Variants in PDHX observed in about 807,000 individuals in gnomAD.
PDHX encodes the protein pyruvate dehydrogenase protein X component, mitochondrial.
In PDHX, 33 loss-of-function variants were observed where a neutral mutation model predicts 55.3. The observed-to-expected ratio is 0.60, with a 90% CI of 0.45 to 0.80. The LOEUF (loss-of-function observed/expected upper bound fraction) is 0.80, where lower values mean the gene tolerates loss of function less well. Ranked by LOEUF, PDHX falls within the 30% of genes least tolerant of loss-of-function variation. PDHX has a pLI of 0.00. For synonymous variants in PDHX, 226 were observed against 219.4 expected (o/e 1.03, Z -0.27); for missense variants, 622 against 619.9 (o/e 1.00, Z -0.04).
chr11:34,971,270 C>A (rs1855252577), intron 7 of PDHX, among the ~76,000 whole-genome samples: 1 of 151,874 alleles, frequency 6.6e-6, no homozygotes, highest in Non-Finnish European at 1.5e-5. Context: ...AGTTTTATTT[C>A]TTTATTTTTG....
intron 9 of PDHX, among the ~76,000 whole-genome samples, chr11:34,988,898 ATTAG>A (rs1378615814): frequency 2.0e-5 from 3 of 152,220 alleles, no homozygotes; most frequent in East Asian, 3.8e-4. Flanking sequence ...CTGTTTTATT[ATTAG>A]TTATTGTTAA....
intron 3 of PDHX, among the ~76,000 whole-genome samples, chr11:34,952,176 T>C (rs541689664): frequency 1.3e-5 from 2 of 152,226 alleles, no homozygotes; most frequent in East Asian, 3.9e-4. Context: ...AATAACAGTA[T>C]CTGAAATTGT....
chr11:34,966,007 A>G (rs1446688227), intron 5 of PDHX, among the ~76,000 whole-genome samples: 1 of 152,190 alleles, frequency 6.6e-6, no homozygotes, highest in African/African-American at 2.4e-5. Flanking sequence ...CTTACAAGAC[A>G]AAAATACCTT....
At chr11:34,920,553 GA>G (rs1397168655) in intron 1 of PDHX, among the ~76,000 whole-genome samples, 1 of 152,108 alleles carries the variant, frequency 6.6e-6, no homozygotes, top group Non-Finnish European at 1.5e-5. Flanking sequence ...ACTTTACAGA[GA>G]AATCTAGATT....
chr11:34,917,255 T>C (rs541995798), intron 1 of PDHX, among the ~76,000 whole-genome samples: 62 of 152,244 alleles, frequency 4.1e-4, no homozygotes, highest in African/African-American at 1.4e-3. Flanking sequence ...TGTTAGGAGG[T>C]GTTTTCATTG....
intron 8 of PDHX, among the ~76,000 whole-genome samples, chr11:34,981,778 T>C (rs1485175061): frequency 6.6e-6 from 1 of 152,242 alleles, no homozygotes; most frequent in Non-Finnish European, 1.5e-5. Flanking sequence ...TTCATGTGTC[T>C]TTTGGCTGCA....
intron 5 of PDHX, among the ~76,000 whole-genome samples, chr11:34,964,324 C>T (rs1462020931): frequency 6.6e-6 from 1 of 152,070 alleles, no homozygotes; most frequent in Admixed American, 6.6e-5. Context: ...AATAAAAAGA[C>T]CAGGTGCAGT....
intron 3 of PDHX, among the ~76,000 whole-genome samples, chr11:34,950,762 A>G (rs1009218519): frequency 6.7e-6 from 1 of 150,096 alleles, no homozygotes; most frequent in Non-Finnish European, 1.5e-5. Context: ...CATTTTCTTA[A>G]TCCAGTCTAT....
chr11:34,947,696 C>A, intron 3 of PDHX, 90 bp downstream of exon 3: 1 of 873,064 alleles, frequency 1.1e-6, no homozygotes, highest in African/African-American at 1.7e-5. Flanking sequence ...TTTTTGCCTC[C>A]TTATTTTTAA....
intron 1 of PDHX, among the ~76,000 whole-genome samples, chr11:34,925,628 C>T (rs1853999333): frequency 1.3e-5 from 2 of 152,164 alleles, no homozygotes; most frequent in South Asian, 4.2e-4. Flanking sequence ...AAATAAAAAG[C>T]CCTTATAGTA....
At chr11:34,924,436 G>A (rs1201914304) in intron 1 of PDHX, among the ~76,000 whole-genome samples, 1 of 152,096 alleles carries the variant, frequency 6.6e-6, no homozygotes, top group African/African-American at 2.4e-5. Context: ...GTCCAGGCTG[G>A]TCTTGAACTT....
intron 3 of PDHX, among the ~76,000 whole-genome samples, chr11:34,948,801 T>C (rs1854685555): frequency 6.6e-6 from 1 of 152,178 alleles, no homozygotes; most frequent in South Asian, 2.1e-4. Flanking sequence ...TCTTGACTAA[T>C]TTATGCAGCA....
chr11:34,991,047 C>A (rs1385220149), intron 9 of PDHX, among the ~76,000 whole-genome samples: 2 of 152,022 alleles, frequency 1.3e-5, no homozygotes, highest in African/African-American at 2.4e-5. Context: ...ACCTCTGTTC[C>A]CTTGCTTTTA....
At chr11:34,959,685 C>A (rs772428026) in intron 4 of PDHX, among the ~76,000 whole-genome samples, 14 of 152,004 alleles carry the variant, frequency 9.2e-5, no homozygotes, top group Non-Finnish European at 1.5e-4. Context: ...ATGGTAGAAA[C>A]AACTCATAAG....
chr11:34,958,580 C>T (rs1247595913), intron 4 of PDHX, among the ~76,000 whole-genome samples: 1 of 152,156 alleles, frequency 6.6e-6, no homozygotes, highest in East Asian at 1.9e-4. Context: ...GGATTACAGG[C>T]GTGAGCCACT....
At chr11:34,941,619 T>A (rs1226341994) in intron 2 of PDHX, among the ~76,000 whole-genome samples, 1 of 152,180 alleles carries the variant, frequency 6.6e-6, no homozygotes, top group African/African-American at 2.4e-5. Context: ...CACACACATC[T>A]TTTACGTAAA....
intron 2 of PDHX, among the ~76,000 whole-genome samples, chr11:34,945,036 T>C (rs1351547359): frequency 1.3e-5 from 2 of 152,170 alleles, no homozygotes; most frequent in African/African-American, 2.4e-5. Context: ...ATGCTGTAGA[T>C]TATATTTCTG....
chr11:34,952,014 G>A (rs1247953744), intron 3 of PDHX, among the ~76,000 whole-genome samples: 1 of 152,040 alleles, frequency 6.6e-6, no homozygotes, highest in Non-Finnish European at 1.5e-5. Context: ...TTGTAGATAT[G>A]CGGCGTTATT....
chr11:34,931,536 G>GTTT lies in PDHX; in HGVS notation c.241+54_241+56dup, dbSNP rs368865759. On this transcript the variant is annotated intron_variant, in intron 2 of 10. Coordinates refer to ENST00000227868, the MANE Select transcript of PDHX (RefSeq NM_003477.3). ...GTGTGCTTTGTTATTTGGTTATTTT[G>GTTT]TTTTGTTTTTTTTTTTCCTAATCTG... The GTTT allele has an allele frequency of 8.7e-4, 764 of 875,620 alleles. 2 individuals carry two copies. The highest frequency in any genetic ancestry group is 1.6e-3 in the African/African-American group (81 of 49,092). The allele number at this position is 875,620 out of a possible 1,614,324, so 54.2% of individuals were successfully genotyped here. A position where few individuals can be genotyped will look rare whatever the true frequency, so the allele number is the denominator to read the frequency against.
Sources: allele counts gnomAD v4.1 joint callset (sites outside exome capture counted in the v4.1 genomes callset), GRCh38; gene constraint gnomAD v4.1.1; transcripts MANE v1.5; gene names NCBI Gene and HGNC (gene_info 2026-07-23, HGNC 2026-07-21).